Variants in FAM234A observed in about 807,000 individuals in gnomAD.
FAM234A encodes the protein protein FAM234A.
A neutral mutation model predicts 49.1 loss-of-function variants in FAM234A; 42 were observed. The observed-to-expected ratio is 0.86, with a 90% CI of 0.67 to 1.11. The LOEUF (loss-of-function observed/expected upper bound fraction) is 1.11. Among genes scored for constraint, FAM234A ranks in the 50% least tolerant of loss-of-function variants. The pLI, the probability that FAM234A is intolerant of heterozygous loss-of-function variation, is 0.00. For synonymous variants in FAM234A, 369 were observed against 316.2 expected (o/e 1.17, Z -1.77); for missense variants, 815 against 745.2 (o/e 1.09, Z -1.09).
intron 1 of FAM234A, among the ~76,000 whole-genome samples, chr16:237,311 T>C (rs2050438811): frequency 6.6e-6 from 1 of 152,136 alleles, no homozygotes. Flanking sequence ...CGAATATTTA[T>C]TATCCAACAG....
chr16:269,197 G>T (rs560591101), downstream of FAM234A: 224 of 1,200,472 alleles, frequency 1.9e-4, 2 homozygotes, highest in African/African-American at 3.1e-3. Flanking sequence ...CCTGGGCCAA[G>T]ACGGGGGTGG....
chr16:253,389 T>C (rs2051097296), intron 2 of FAM234A, among the ~76,000 whole-genome samples: 1 of 152,214 alleles, frequency 6.6e-6, no homozygotes, highest in Admixed American at 6.5e-5. Flanking sequence ...AGTCTGTGCT[T>C]ATCCATGAAC....
At chr16:259,650 C>G (rs749855370) in intron 4 of FAM234A, 51 bp downstream of exon 4, 4 of 1,192,774 alleles carry the variant, frequency 3.4e-6, no homozygotes, top group South Asian at 2.5e-5. Context: ...AAAGAGGAAT[C>G]GTCATTTTGG....
At chr16:264,246 T>C (rs978827318) in intron 11 of FAM234A, 75 bp downstream of exon 11, 41 of 1,434,490 alleles carry the variant, frequency 2.9e-5, no homozygotes, top group Non-Finnish European at 3.8e-5. Flanking sequence ...CACCGTGGAG[T>C]GCCCAGAAGC....
rs1004571264 is a variant in FAM234A at position 254,337 on chromosome 16, C to T, written c.-33-44C>T. On this transcript the variant is annotated intron_variant, in intron 2 of 12. Coordinates refer to ENST00000399932, the MANE Select transcript of FAM234A (RefSeq NM_032039.4). Reference sequence around the variant, plus strand: ...ACCCCTCTGTGCTGCAGCTTTGTGCCGTGGGACTGCTGGCCTCGCCGACCT... The same window carrying T: ...ACCCCTCTGTGCTGCAGCTTTGTGCTGTGGGACTGCTGGCCTCGCCGACCT... 5.9e-6 allele frequency: 9 copies of T among 1,529,924 alleles called. No homozygotes were observed. In the East Asian group the frequency reaches 6.7e-5, roughly 11 times the overall value. The allele number at this position is 1,529,924 out of a possible 1,614,324, so 94.8% of individuals were successfully genotyped here. A position where few individuals can be genotyped will look rare whatever the true frequency, so the allele number is the denominator to read the frequency against.
chr16:241,287 G>T (rs1207568103), intron 1 of FAM234A, among the ~76,000 whole-genome samples: 1 of 132,516 alleles, frequency 7.5e-6, no homozygotes, highest in Non-Finnish European at 1.6e-5. Flanking sequence ...AAAAAAAAAA[G>T]CTGTCTGCTT....
chr16:237,984 T>G (rs1445568546), intron 1 of FAM234A, among the ~76,000 whole-genome samples: 3 of 150,410 alleles, frequency 2.0e-5, no homozygotes, highest in African/African-American at 7.4e-5. Flanking sequence ...GGTTACAGAC[T>G]TGAGCCACCG....
downstream of FAM234A, chr16:268,547 C>T (rs527287076): frequency 5.7e-5 from 33 of 582,786 alleles, no homozygotes; most frequent in African/African-American, 3.2e-4. Context: ...GGATCAGGGA[C>T]GCCTGGCAAG....
chr16:269,487 C>T (rs753777943), downstream of FAM234A: 35 of 1,611,738 alleles, frequency 2.2e-5, no homozygotes, highest in Middle Eastern at 4.9e-4. Context: ...GGCCACAGGG[C>T]ACTGCCTGGG....
intron 1 of FAM234A, among the ~76,000 whole-genome samples, chr16:245,685 A>T (rs1389989336): frequency 4.6e-5 from 7 of 152,162 alleles, no homozygotes; most frequent in African/African-American, 1.7e-4. Flanking sequence ...ATTGCAAAAA[A>T]ATCTGTGAAT....
intron 1 of FAM234A, among the ~76,000 whole-genome samples, chr16:238,626 C>A (rs1054986495): frequency 6.6e-6 from 1 of 151,076 alleles, no homozygotes; most frequent in South Asian, 2.1e-4. Context: ...ATTAGCCAGG[C>A]GTGGTGACGG....
intron 3 of FAM234A, among the ~76,000 whole-genome samples, chr16:256,330 A>G (rs926290828): frequency 6.6e-6 from 1 of 152,172 alleles, no homozygotes; most frequent in Non-Finnish European, 1.5e-5. Context: ...CATTCCTACT[A>G]CAATGCTGAG....
chr16:259,428 G>A (rs1035789700), intron 3 of FAM234A, 55 bp from the exon 4 acceptor site: 14 of 1,025,578 alleles, frequency 1.4e-5, no homozygotes, highest in Middle Eastern at 2.1e-4. Flanking sequence ...GGACCTGATC[G>A]TTCCTGGAAA....
rs2051454461 is a variant in FAM234A, at chr16:261,292, A to C, written c.578-92A>C. On this transcript the variant is annotated intron_variant, in intron 5 of 12. Coordinates refer to ENST00000399932, the MANE Select transcript of FAM234A (RefSeq NM_032039.4). ...GTGGGCTCACGAGGGTGATGCCTCA[A>C]CAGGAGCCTGCCTGTCACAGGCCTT... 3.4e-6 allele frequency: 5 copies of C among 1,481,874 alleles called. No individual in the cohort carries two copies. In the South Asian group the frequency reaches 6.2e-5, roughly 18 times the overall value. 91.8% of individuals were successfully genotyped at this position (1,481,874 alleles called of 1,614,324 possible).
chr16:249,008 G>T (rs2050908764), intron 1 of FAM234A, among the ~76,000 whole-genome samples: 1 of 151,906 alleles, frequency 6.6e-6, no homozygotes, highest in Admixed American at 6.6e-5. Flanking sequence ...AGGGTCCTTT[G>T]GTCATAGCTT....
chr16:257,621 A>G (rs962523012), intron 3 of FAM234A, among the ~76,000 whole-genome samples: 2 of 151,084 alleles, frequency 1.3e-5, no homozygotes, highest in African/African-American at 2.4e-5. Context: ...TTTTTCTAAG[A>G]GTTTTATAAT....
At position 265,903 on chromosome 16, in the gene FAM234A, C is replaced by CA; in HGVS notation, c.*882dup. 1.0e-6 allele frequency: 1 copy of CA among 986,318 alleles called. No homozygotes were observed. The highest frequency in any genetic ancestry group is 1.2e-6 in the Non-Finnish European group (1 of 830,526). The allele number at this position is 986,318 out of a possible 1,614,324, so 61.1% of individuals were successfully genotyped here. A position where few individuals can be genotyped will look rare whatever the true frequency, so the allele number is the denominator to read the frequency against. ...CCTGCCTCTCCCCTTCCGGTGCTCA[C>CA]ACGCCCACGCCGTGCCACCCGATGC... On this transcript the variant is annotated 3_prime_UTR_variant, in exon 13 of 13. Coordinates refer to ENST00000399932, the MANE Select transcript of FAM234A (RefSeq NM_032039.4).
chr16:252,739 A>C (rs1288383605), intron 2 of FAM234A, among the ~76,000 whole-genome samples: 1 of 152,234 alleles, frequency 6.6e-6, no homozygotes, highest in Non-Finnish European at 1.5e-5. Flanking sequence ...TTATTATATA[A>C]TTAGGCAAAG....
At chr16:266,401 C>T (rs1596869689), downstream of FAM234A, among the ~76,000 whole-genome samples, 1 of 152,186 alleles carries the variant, frequency 6.6e-6, no homozygotes, top group African/African-American at 2.4e-5. Context: ...GGCCTCGGCA[C>T]CGCGTGACGT....
Sources: gnomAD v4.1 joint callset for allele counts (sites outside exome capture counted in the v4.1 genomes callset) on GRCh38, gnomAD v4.1.1 for gene constraint, MANE v1.5 for transcripts, NCBI Gene and HGNC (gene_info 2026-07-23, HGNC 2026-07-21) for gene names.